Variants in FAM169A observed in about 807,000 individuals in gnomAD.
FAM169A encodes soluble lamin-associated protein of 75 kDa.
In FAM169A, 24 loss-of-function variants were observed where a neutral mutation model predicts 75.7. That is an observed-to-expected ratio of 0.32 (90% CI 0.23 to 0.45). FAM169A has a LOEUF of 0.45. FAM169A is among the 20% of genes least tolerant of loss of function. The probability of loss-of-function intolerance (pLI) is 1.00; values close to 1 mark genes in which losing one functional copy is unlikely to be tolerated. For synonymous variants in FAM169A, 271 were observed against 271.0 expected (o/e 1.00, Z 0.00); for missense variants, 673 against 784.0 (o/e 0.86, Z 1.69).
At chr5:74,816,723 C>T (rs774781605) in intron 5 of FAM169A, among the ~76,000 whole-genome samples, 4 of 152,162 alleles carry the variant, frequency 2.6e-5, no homozygotes, top group Non-Finnish European at 5.9e-5. Flanking sequence ...AACCTGCTGT[C>T]TTAGGTAAAG....
In FAM169A at chr5:74,799,110, G is replaced by A. The variant is rs1191612891; in HGVS notation, c.1103+1770C>T. On this transcript the variant is annotated intron_variant, in intron 10 of 12. Transcript: ENST00000687041. ...AAGTGCACATCTATAAGAAGAATGG[G>A]CGCCAGTGTGTGAAAGCTCACGAAC... 6 of 978,962 alleles carry A rather than the reference G, an allele frequency of 6.1e-6. No individual in the cohort carries two copies. In the African/African-American group the frequency reaches 8.0e-5, roughly 13 times the overall value. 60.6% of individuals were successfully genotyped at this position (978,962 alleles called of 1,614,324 possible).
At chr5:74,845,406 T>C (rs556504691) in intron 1 of FAM169A, among the ~76,000 whole-genome samples, 119 of 152,168 alleles carry the variant, frequency 7.8e-4, no homozygotes, top group African/African-American at 2.7e-3. Flanking sequence ...TAGTCCCAGC[T>C]ACTCAAGAGG....
chr5:74,851,135 T>C (rs1011705176), intron 1 of FAM169A, among the ~76,000 whole-genome samples: 6 of 152,190 alleles, frequency 3.9e-5, no homozygotes, highest in African/African-American at 9.7e-5. Flanking sequence ...GGATACATTA[T>C]AGTGTTAACA....
Position 74,781,445 on chromosome 5 carries a change from C to T in FAM169A, c.*15G>A. On this transcript the variant is annotated 3_prime_UTR_variant, in exon 13 of 13. Transcript: ENST00000687041. ...GTTACAAAGAAGAGGATTTATCATCCACTTTCTTCTTCCTTCAGGTCAGCT... is the reference window on the plus strand; with the variant it reads ...GTTACAAAGAAGAGGATTTATCATCTACTTTCTTCTTCCTTCAGGTCAGCT... The T allele has an allele frequency of 1.9e-6, 3 of 1,599,428 alleles. No individual in the cohort carries two copies. The highest frequency in any genetic ancestry group is 2.6e-6 in the Non-Finnish European group (3 of 1,170,584).
upstream of FAM169A, chr5:74,866,498 G>A: frequency 1.5e-6 from 1 of 661,576 alleles, no homozygotes; most frequent in Non-Finnish European, 1.9e-6. Context: ...ACGCCGCCCT[G>A]CCTCCCTCCA....
chr5:74,842,519 T>C (rs959456277), intron 1 of FAM169A, among the ~76,000 whole-genome samples: 3 of 147,344 alleles, frequency 2.0e-5, no homozygotes, highest in African/African-American at 7.5e-5. Flanking sequence ...ATAATTCTCA[T>C]ATATATAGCT....
intron 2 of FAM169A, among the ~76,000 whole-genome samples, chr5:74,840,661 T>C (rs181674059): frequency 9.2e-5 from 14 of 151,494 alleles, no homozygotes; most frequent in South Asian, 2.1e-4. Flanking sequence ...AACCCCATCT[T>C]TACTAAAAAT....
intron 11 of FAM169A, among the ~76,000 whole-genome samples, chr5:74,790,805 A>C (rs1447234737): frequency 1.3e-5 from 2 of 152,172 alleles, no homozygotes; most frequent in Non-Finnish European, 2.9e-5. Flanking sequence ...ACAGACCAAC[A>C]CTAAGCCCTT....
At chr5:74,842,397 G>A (rs1259559341) in intron 1 of FAM169A, among the ~76,000 whole-genome samples, 1 of 112,596 alleles carries the variant, frequency 8.9e-6, no homozygotes, top group East Asian at 2.8e-4. Context: ...CTCCAGTCTG[G>A]GTGAAAGAGT....
chr5:74,827,085 A>C (rs747701743), intron 5 of FAM169A, among the ~76,000 whole-genome samples: 12 of 152,190 alleles, frequency 7.9e-5, no homozygotes, highest in Admixed American at 2.0e-4. Context: ...CCTTCTCAGT[A>C]CATCATATAT....
At chr5:74,822,817 TCTTC>T (rs1170267938) in intron 5 of FAM169A, among the ~76,000 whole-genome samples, 2 of 152,106 alleles carry the variant, frequency 1.3e-5, no homozygotes, top group Non-Finnish European at 2.9e-5. Flanking sequence ...AAACTACTCC[TCTTC>T]TTCTATTCCC....
At chr5:74,842,187 CAAGG>C (rs1748905282) in intron 1 of FAM169A, among the ~76,000 whole-genome samples, 1 of 122,992 alleles carries the variant, frequency 8.1e-6, no homozygotes, top group South Asian at 2.4e-4. Context: ...TTTGGGGGGC[CAAGG>C]AAGGGTGGAT....
At chr5:74,859,340 A>G (rs1580177016) in intron 1 of FAM169A, among the ~76,000 whole-genome samples, 1 of 121,304 alleles carries the variant, frequency 8.2e-6, no homozygotes, top group South Asian at 2.8e-4. Flanking sequence ...CCCAGGCTGG[A>G]GTGCCGTGGC....
intron 10 of FAM169A, 77 bp from the exon 11 acceptor site, chr5:74,796,263 T>C: frequency 6.7e-6 from 9 of 1,348,018 alleles, no homozygotes; most frequent in Non-Finnish European, 9.1e-6. Flanking sequence ...TTTCTTAAAG[T>C]AACATTTTAG....
chr5:74,804,160 A>ATG (rs1746731933), intron 8 of FAM169A, among the ~76,000 whole-genome samples: 1 of 152,136 alleles, frequency 6.6e-6, no homozygotes, highest in South Asian at 2.1e-4. Context: ...ATGCTTTATA[A>ATG]TATGCGATAT....
At chr5:74,822,391 G>T (rs1031546342) in intron 5 of FAM169A, among the ~76,000 whole-genome samples, 33 of 152,178 alleles carry the variant, frequency 2.2e-4, no homozygotes, top group African/African-American at 7.7e-4. Context: ...GGGCAGCTCT[G>T]GCCAATGACT....
intron 7 of FAM169A, 111 bp downstream of exon 7, chr5:74,805,045 A>G (rs1746794193): frequency 1.2e-6 from 1 of 868,670 alleles, no homozygotes; most frequent in East Asian, 2.5e-5. Context: ...CTGGACTCTA[A>G]GACACAACCA....
At chr5:74,854,432 A>G (rs1749604394) in intron 1 of FAM169A, among the ~76,000 whole-genome samples, 1 of 151,930 alleles carries the variant, frequency 6.6e-6, no homozygotes, top group African/African-American at 2.4e-5. Context: ...CACATCCATC[A>G]CCTGAGGCAT....
chr5:74,799,354 TCA>T, intron 10 of FAM169A: 1 of 1,610,900 alleles, frequency 6.2e-7, no homozygotes. Context: ...ACGACTCATT[TCA>T]GTTTGTTACT....
Sources: allele counts gnomAD v4.1 joint callset (sites outside exome capture counted in the v4.1 genomes callset), GRCh38; gene constraint gnomAD v4.1.1; transcripts MANE v1.5; gene names NCBI Gene and HGNC (gene_info 2026-07-23, HGNC 2026-07-21).